LETM1: variants seen among roughly 807,000 people sequenced by gnomAD.
LETM1 encodes leucine zipper and EF-hand containing transmembrane protein 1, also known as mitochondrial proton/calcium exchanger protein.
A neutral mutation model predicts 74.5 loss-of-function variants in LETM1; 50 were observed. That is an observed-to-expected ratio of 0.67 (90% CI 0.53 to 0.85). The LOEUF (loss-of-function observed/expected upper bound fraction) is 0.85, where lower values mean the gene tolerates loss of function less well. Among genes scored for constraint, LETM1 ranks in the 40% least tolerant of loss-of-function variants. The pLI, the probability that LETM1 is intolerant of heterozygous loss-of-function variation, is 0.00. For synonymous variants in LETM1, 446 were observed against 407.1 expected (o/e 1.10, Z -1.15); for missense variants, 824 against 967.8 (o/e 0.85, Z 1.97).
Position 1,823,737 on chromosome 4 carries a change from C to A in LETM1, c.1239G>T (p.Ser413=). 1 of 1,613,412 alleles carries A rather than the reference C, an allele frequency of 6.2e-7. No homozygotes were observed. The highest frequency in any genetic ancestry group is 8.5e-7 in the Non-Finnish European group (1 of 1,179,728). ...ACATGGCCCGGGACAGGATGAGCAG[C>A]GATGTGGGGATCTCCTGATGCAGGT... ...DLHLHQEIPT[S]LLILSRAMYL... Residue 413 remains serine, a synonymous_variant, in exon 8 of 14, where the codon TCG becomes TCT. Coordinates refer to ENST00000302787, the MANE Select transcript of LETM1 (RefSeq NM_012318.3).
In LETM1 at chr4:1,834,714, C is replaced by T. The variant is rs1383222936; in HGVS notation, c.876+131G>A. Reference sequence around the variant, plus strand: ...ACACTCCACTGGCCCCCGACTGAGCCTCCTGGGTAAACTTTCAAGCGCCAG... The same window carrying T: ...ACACTCCACTGGCCCCCGACTGAGCTTCCTGGGTAAACTTTCAAGCGCCAG... On this transcript the variant is annotated intron_variant, in intron 5 of 13. Transcript: ENST00000302787. This position sits in a 1 kb window ranked among gnomAD's most constrained non-coding sequence, Gnocchi z 5.0. 2 of 1,513,892 alleles carry T rather than the reference C, an allele frequency of 1.3e-6. No homozygotes were observed. The highest frequency in any genetic ancestry group is 1.4e-5 in the African/African-American group (1 of 71,912). The allele number at this position is 1,513,892 out of a possible 1,614,324, so 93.8% of individuals were successfully genotyped here.
Position 1,850,718 on chromosome 4 carries a change from A to T in LETM1, c.83-1509T>A, listed in dbSNP as rs181729137. Among the ~76,000 whole-genome samples the T allele has an allele frequency of 3.2e-4, 49 of 151,682 alleles. No individual in the cohort carries two copies. In the East Asian group the frequency reaches 8.9e-3, roughly 28 times the overall value. On this transcript the variant is annotated intron_variant, in intron 1 of 13. Coordinates refer to ENST00000302787, the MANE Select transcript of LETM1 (RefSeq NM_012318.3). ...GGTGGCTCACGCCTGTAATCCCAGC[A>T]CTTTGGGAGGCTGAGGCGGGTGGAT...
intron 3 of LETM1, 141 bp downstream of exon 3, chr4:1,841,206 G>A: frequency 8.4e-6 from 6 of 711,506 alleles, no homozygotes; most frequent in South Asian, 1.9e-5. Context: ...TTAGCCAGGT[G>A]TGGTGGCACA....
intron 1 of LETM1, among the ~76,000 whole-genome samples, chr4:1,854,353 G>A (rs1156572049): frequency 6.6e-5 from 10 of 151,850 alleles, no homozygotes; most frequent in Non-Finnish European, 1.2e-4. Flanking sequence ...GAGGGTGTGC[G>A]CCTGTAATCC....
At chr4:1,840,611 C>G (rs912513067) in intron 3 of LETM1, among the ~76,000 whole-genome samples, 10 of 149,872 alleles carry the variant, frequency 6.7e-5, no homozygotes, top group Non-Finnish European at 1.5e-4. Flanking sequence ...GAGCCTGCAG[C>G]GAGCCGAGAT....
Position 1,855,877 on chromosome 4 carries a change from A to T in LETM1, c.74T>A (p.Val25Asp). The stretch of plus-strand genomic sequence containing the variant: ...GGGTGCCCGCCGCTTACCCCGCGGG[A>T]CGGTGTACCGAGGCGGCGGCGGGAG... ...ARLPPPPRYTVPRGSPGDPAH... is the reference protein window; with the variant it reads ...ARLPPPPRYTDPRGSPGDPAH... Residue 25 changes from valine to aspartate, a missense_variant, in exon 1 of 14, where the codon GTC becomes GAC. Coordinates refer to ENST00000302787, the MANE Select transcript of LETM1 (RefSeq NM_012318.3). 3.2e-6 allele frequency: 4 copies of T among 1,234,684 alleles called. No individual in the cohort carries two copies. The highest frequency in any genetic ancestry group is 4.0e-6 in the Non-Finnish European group (4 of 991,070). 76.5% of individuals were successfully genotyped at this position (1,234,684 alleles called of 1,614,324 possible).
rs1183265866 is a variant in LETM1, at chr4:1,845,688, A to G, written c.143+3461T>C. On this transcript the variant is annotated intron_variant, in intron 2 of 13. Coordinates refer to ENST00000302787, the MANE Select transcript of LETM1 (RefSeq NM_012318.3). ...TCAGCCACCAAGTAGCTGGGATTAT[A>G]GGCATGTGCCACCACGCCCAGGTAA... is the stretch of plus-strand genomic sequence containing the variant. Among the ~76,000 whole-genome samples, 3 of 150,512 alleles carry G rather than the reference A, an allele frequency of 2.0e-5. No individual in the cohort carries two copies. The East Asian group carries it at 5.9e-4, about 30-fold the overall frequency.
intron 6 of LETM1, among the ~76,000 whole-genome samples, chr4:1,827,913 C>T (rs1457307058): frequency 1.2e-4 from 17 of 144,224 alleles, no homozygotes; most frequent in African/African-American, 2.6e-4. Flanking sequence ...GCTGGCTGGG[C>T]GGGGGGCTGA....
chr4:1,816,628 G>A lies in LETM1; in HGVS notation c.1931+99C>T. On this transcript the variant is annotated intron_variant, in intron 12 of 13. Coordinates refer to ENST00000302787, the MANE Select transcript of LETM1 (RefSeq NM_012318.3). ...GGCAGCCAGGCAGAGGCTACAATGT[G>A]CCCTTTGGAGCCAGAAGGGCCCAGC... The A allele has an allele frequency of 6.9e-6, 8 of 1,166,934 alleles. No individual in the cohort carries two copies. In the South Asian group the frequency reaches 1.2e-4, roughly 17 times the overall value. 72.3% of individuals were successfully genotyped at this position (1,166,934 alleles called of 1,614,324 possible).
At chr4:1,848,653 T>C (rs1577327701) in intron 2 of LETM1, among the ~76,000 whole-genome samples, 1 of 142,922 alleles carries the variant, frequency 7.0e-6, no homozygotes, top group Non-Finnish European at 1.5e-5. Flanking sequence ...GAGGCGGAGG[T>C]TGCAGTGAGC....
rs1443607326 is a variant in LETM1, at chr4:1,836,837, C to T, written c.595-265G>A. ...AGGGCCACTGGGTGCTCCCAGCGAT[C>T]GAGTCCTCCGAGGACACCGGCCAGC... is the stretch of plus-strand genomic sequence containing the variant. On this transcript the variant is annotated intron_variant, in intron 3 of 13. Transcript: ENST00000302787. The surrounding 1 kb of genome is among the most constrained non-coding windows in gnomAD (Gnocchi z 5.8). Among the ~76,000 whole-genome samples, 2 of 152,068 alleles carry T rather than the reference C, an allele frequency of 1.3e-5. No individual in the cohort carries two copies. The highest frequency in any genetic ancestry group is 2.9e-5 in the Non-Finnish European group (2 of 68,006).
chr4:1,829,292 G>A (rs1352250987), intron 6 of LETM1, among the ~76,000 whole-genome samples: 3 of 144,370 alleles, frequency 2.1e-5, no homozygotes, highest in Admixed American at 6.7e-5. Flanking sequence ...CAGTAGGGGC[G>A]GCCGGGCAGA....
intron 8 of LETM1, among the ~76,000 whole-genome samples, chr4:1,823,443 G>A (rs891218606): frequency 3.9e-5 from 6 of 152,166 alleles, no homozygotes; most frequent in African/African-American, 1.2e-4. Context: ...TGTGCCACAC[G>A]GGGGATGGCA....
chr4:1,817,038 G>C, intron 11 of LETM1, 124 bp from the exon 12 acceptor site: 1 of 734,156 alleles, frequency 1.4e-6, no homozygotes, highest in Non-Finnish European at 2.2e-6. Flanking sequence ...CTGAGGTTAG[G>C]AGTTCGAGAC....
In LETM1 at chr4:1,841,361, G is replaced by A. The variant is rs769535425; in HGVS notation, c.580C>T (p.Arg194Trp). 2 of 1,611,876 alleles carry A rather than the reference G, an allele frequency of 1.2e-6. No homozygotes were observed. The highest frequency in any genetic ancestry group is 8.5e-7 in the Non-Finnish European group (1 of 1,178,230). Residue 194 changes from arginine (R) to tryptophan (W), a missense_variant, in exon 3 of 14, where the codon CGG (arginine) becomes TGG (tryptophan). Coordinates refer to ENST00000302787, the MANE Select transcript of LETM1 (RefSeq NM_012318.3). ...RILNGHSLTR[R>W]ERRQFLRICA... ...GTCCCCATTACCTGCCTGCGCTCCC[G>A]GCGGGTCAGGCTGTGGCCGTTGAGG...
chr4:1,840,593 G>A (rs112498342), intron 3 of LETM1, among the ~76,000 whole-genome samples: 1,761 of 151,258 alleles, frequency 0.012, 36 homozygotes, highest in African/African-American at 0.04. Context: ...TGTGGACCCC[G>A]GGGGGCGGAG....
In LETM1 at chr4:1,812,049, A is replaced by T. The variant is rs1213455221; in HGVS notation, c.*2375T>A. The T allele has an allele frequency of 6.6e-6, 1 of 152,130 alleles. No homozygotes were observed. Among genetic ancestry groups the T allele is most frequent in the Non-Finnish European group, 1.5e-5 (1 of 68,036 alleles). The allele number at this position is 152,130 out of a possible 1,614,324, so 9.4% of individuals were successfully genotyped here. On this transcript the variant is annotated 3_prime_UTR_variant, in exon 14 of 14. Transcript: ENST00000302787. The stretch of plus-strand genomic sequence containing the variant: ...CTGTCTCTAATAAAAATACAAAAAA[A>T]TTAGCCAGGTGTGGTGGCGGGTGCT...
Position 1,856,001 on chromosome 4 carries a change from CG to C in LETM1, c.-52del. On this transcript the variant is annotated 5_prime_UTR_variant, in exon 1 of 14. Coordinates refer to ENST00000302787, the MANE Select transcript of LETM1 (RefSeq NM_012318.3). ...GCCTCCTGCGCTGCCTCCTTCTCCG[CG>C]GCGGCCGCGGCTCTTCGCCGTCCCG... 9.0e-7 allele frequency: 1 copy of C among 1,109,526 alleles called. No individual in the cohort carries two copies. Among genetic ancestry groups the C allele is most frequent in the Non-Finnish European group, 1.1e-6 (1 of 885,712 alleles). The allele number at this position is 1,109,526 out of a possible 1,614,324, so 68.7% of individuals were successfully genotyped here. A position where few individuals can be genotyped will look rare whatever the true frequency, so the allele number is the denominator to read the frequency against.
intron 1 of LETM1, among the ~76,000 whole-genome samples, chr4:1,854,609 G>C (rs560249753): frequency 3.9e-4 from 59 of 151,890 alleles, no homozygotes; most frequent in African/African-American, 1.4e-3. Flanking sequence ...GCCTGGCCAA[G>C]ACGGAGAAAA....
Sources: gnomAD v4.1 joint callset for allele counts (sites outside exome capture counted in the v4.1 genomes callset) on GRCh38, gnomAD v4.1.1 for gene constraint, Gnocchi (gnomAD v3.1) non-coding constraint, MANE v1.5 for transcripts, NCBI Gene and HGNC (gene_info 2026-07-23, HGNC 2026-07-21) for gene names.